The following GAREM1 variants were observed in gnomAD, a reference collection of about 807,000 sequenced individuals.
The protein encoded by GAREM1 is GRB2-associated and regulator of MAPK protein 1.
A neutral mutation model predicts 71.3 loss-of-function variants in GAREM1; 26 were observed. That is an observed-to-expected ratio of 0.36 (90% CI 0.27 to 0.51). The LOEUF is 0.51. Among genes scored for constraint, GAREM1 ranks in the 20% least tolerant of loss-of-function variants. GAREM1 has a pLI of 0.95. For synonymous variants in GAREM1, 440 were observed against 433.2 expected (o/e 1.02, Z -0.20); for missense variants, 1,026 against 1,103.1 (o/e 0.93, Z 0.99).
intron 1 of GAREM1, among the ~76,000 whole-genome samples, chr18:32,419,668 C>T (rs1207659938): frequency 6.6e-6 from 1 of 151,884 alleles, no homozygotes; most frequent in Non-Finnish European, 1.5e-5. Flanking sequence ...AATTAGGGAC[C>T]CTAAAAATTA....
In GAREM1 at chr18:32,467,185, C is replaced by T. The variant is rs550727664; in HGVS notation, c.121+3123G>A. On this transcript the variant is annotated intron_variant, in intron 1 of 5. Transcript: ENST00000269209. The stretch of plus-strand genomic sequence containing the variant: ...TTCTCCTGTTCTGTAACCTCTTCTT[C>T]CCCACTGCCTCTTGCCTCTTTTCAG... Among the ~76,000 whole-genome samples, 7 of 152,252 alleles carry T rather than the reference C, an allele frequency of 4.6e-5. No individual in the cohort carries two copies. In the South Asian group the frequency reaches 1.0e-3, roughly 23 times the overall value.
At chr18:32,397,010 T>A (rs2048264075) in intron 1 of GAREM1, among the ~76,000 whole-genome samples, 1 of 152,144 alleles carries the variant, frequency 6.6e-6, no homozygotes, top group South Asian at 2.1e-4. Context: ...TTCAACATTC[T>A]TAAAGAAAAG....
intron 2 of GAREM1, among the ~76,000 whole-genome samples, chr18:32,340,414 T>C (rs997349138): frequency 2.6e-5 from 4 of 152,116 alleles, no homozygotes; most frequent in Non-Finnish European, 5.9e-5. Context: ...ACCTGAGACC[T>C]GAAAGATGAG....
intron 4 of GAREM1, among the ~76,000 whole-genome samples, chr18:32,282,073 C>CA (rs1448848991): frequency 2.0e-5 from 3 of 152,230 alleles, no homozygotes; most frequent in Middle Eastern, 3.4e-3. Flanking sequence ...ATTACCTTCC[C>CA]AAATCCTATA....
At chr18:32,306,143 A>G (rs963633490) in intron 3 of GAREM1, among the ~76,000 whole-genome samples, 2 of 152,154 alleles carry the variant, frequency 1.3e-5, no homozygotes, top group African/African-American at 4.8e-5. Flanking sequence ...ACATTTTGCT[A>G]AATTTCATGG....
chr18:32,307,979 T>C (rs935821887), intron 3 of GAREM1, among the ~76,000 whole-genome samples: 2 of 152,232 alleles, frequency 1.3e-5, no homozygotes, highest in South Asian at 2.1e-4. Flanking sequence ...TATTTCTTTA[T>C]GTAAATTTCC....
chr18:32,347,083 T>C (rs1440159388), intron 2 of GAREM1, among the ~76,000 whole-genome samples: 2 of 152,208 alleles, frequency 1.3e-5, no homozygotes, highest in East Asian at 1.9e-4. Context: ...GAAATATGCA[T>C]ACACTGTGTC....
chr18:32,404,341 A>G (rs924948662), intron 1 of GAREM1, among the ~76,000 whole-genome samples: 19 of 152,292 alleles, frequency 1.2e-4, no homozygotes, highest in African/African-American at 4.3e-4. Flanking sequence ...TCAACTTGTT[A>G]GCTTAACTAC....
At chr18:32,283,759 G>C (rs868709547) in intron 4 of GAREM1, among the ~76,000 whole-genome samples, 1 of 152,130 alleles carries the variant, frequency 6.6e-6, no homozygotes, top group Non-Finnish European at 1.5e-5. Flanking sequence ...GTTGGCTCAC[G>C]ATGTAGTTTC....
Position 32,264,732 on chromosome 18 carries a change from A to G in GAREM1, c.*3139T>C, listed in dbSNP as rs933160483. The G allele has an allele frequency of 5.9e-5, 9 of 152,230 alleles. No homozygotes were observed. Among genetic ancestry groups the G allele is most frequent in the African/African-American group, 2.2e-4 (9 of 41,460 alleles). 9.4% of individuals were successfully genotyped at this position (152,230 alleles called of 1,614,324 possible). ...GAGCAGCTCAACTTAAAGAAGAGAA[A>G]ACTTGCAAGATTGATCTGTGAGTGT... On this transcript the variant is annotated 3_prime_UTR_variant, in exon 6 of 6. Coordinates refer to ENST00000269209, the MANE Select transcript of GAREM1 (RefSeq NM_001242409.2).
At chr18:32,422,014 G>C (rs1017562331) in intron 1 of GAREM1, among the ~76,000 whole-genome samples, 3 of 151,656 alleles carry the variant, frequency 2.0e-5, no homozygotes, top group Non-Finnish European at 2.9e-5. Flanking sequence ...TAAGTTTTAA[G>C]TTTTAGGGTA....
chr18:32,431,585 G>A (rs1438824116), intron 1 of GAREM1, among the ~76,000 whole-genome samples: 2 of 152,062 alleles, frequency 1.3e-5, no homozygotes, highest in Admixed American at 6.6e-5. Context: ...CCGAGATCAC[G>A]CCACTGCACT....
At chr18:32,284,825 C>G (rs77330955) in intron 4 of GAREM1, among the ~76,000 whole-genome samples, 1 of 151,048 alleles carries the variant, frequency 6.6e-6, no homozygotes, top group Admixed American at 6.6e-5. Flanking sequence ...TCTCGGCTCA[C>G]TGCAAGCTCC....
intron 2 of GAREM1, among the ~76,000 whole-genome samples, chr18:32,378,494 T>A (rs1434186339): frequency 2.1e-5 from 3 of 141,302 alleles, no homozygotes; most frequent in East Asian, 4.2e-4. Flanking sequence ...AGTCAGACTG[T>A]CTCCGAAAAA....
At position 32,324,898 on chromosome 18, in the gene GAREM1, A is replaced by C. The variant is rs576314762; in HGVS notation, c.263-14575T>G. Reference sequence around the variant, plus strand: ...AAAGGCAAAACTATGGAAACAGTAAAATGATCAGTGGTTACCAAGGGTTAG... The same window carrying C: ...AAAGGCAAAACTATGGAAACAGTAACATGATCAGTGGTTACCAAGGGTTAG... On this transcript the variant is annotated intron_variant, in intron 2 of 5. Transcript: ENST00000269209. Among the ~76,000 whole-genome samples the C allele has an allele frequency of 1.1e-4, 16 of 152,298 alleles. No homozygotes were observed. The South Asian group carries it at 3.3e-3, about 32-fold the overall frequency.
intron 1 of GAREM1, among the ~76,000 whole-genome samples, chr18:32,434,785 G>A (rs1365562159): frequency 3.3e-5 from 5 of 152,194 alleles, no homozygotes; most frequent in South Asian, 2.1e-4. Flanking sequence ...AAGATCCAAC[G>A]GTGAATGCTA....
intron 2 of GAREM1, among the ~76,000 whole-genome samples, chr18:32,310,887 G>A (rs1307834616): frequency 6.6e-6 from 1 of 152,128 alleles, no homozygotes; most frequent in Admixed American, 6.5e-5. Context: ...CTGCTGTAAT[G>A]TGTGATGCTG....
chr18:32,432,985 A>G (rs1018372856), intron 1 of GAREM1, among the ~76,000 whole-genome samples: 4 of 152,112 alleles, frequency 2.6e-5, no homozygotes, highest in African/African-American at 9.6e-5. Context: ...CAAAAAGAGT[A>G]CAGGAAAAGA....
At chr18:32,451,551 A>G (rs147644351) in intron 1 of GAREM1, among the ~76,000 whole-genome samples, 158 of 152,178 alleles carry the variant, frequency 1.0e-3, no homozygotes, top group Non-Finnish European at 1.6e-3. Flanking sequence ...CCAGTTATTA[A>G]TCCTGGAAAT....
Sources: allele counts gnomAD v4.1 joint callset (sites outside exome capture counted in the v4.1 genomes callset), GRCh38; gene constraint gnomAD v4.1.1; transcripts MANE v1.5; gene names NCBI Gene and HGNC (gene_info 2026-07-23, HGNC 2026-07-21).